The following NF1 variants were observed in gnomAD, a reference collection of about 807,000 sequenced individuals.
NF1 encodes the protein neurofibromin.
In NF1, 122 loss-of-function variants were observed where a neutral mutation model predicts 325.7. The observed-to-expected ratio is 0.37, with a 90% CI of 0.32 to 0.44. NF1 has a LOEUF of 0.44. Ranked by LOEUF, NF1 falls within the 20% of genes least tolerant of loss-of-function variation. The probability of loss-of-function intolerance (pLI) is 1.00; values close to 1 mark genes in which losing one functional copy is unlikely to be tolerated. For synonymous variants in NF1, 1,091 were observed against 1,186.0 expected, an observed-to-expected ratio of 0.92 and a Z score of 1.65; for missense variants, 2,140 against 3,415.4, an observed-to-expected ratio of 0.63 and a Z score of 9.31.
At chr17:31,131,292 G>T (rs1446525111) in intron 1 of NF1, among the ~76,000 whole-genome samples, 2 of 152,158 alleles carry the variant, frequency 1.3e-5, no homozygotes, top group Non-Finnish European at 2.9e-5. Context: ...GGTGGTTGAG[G>T]GGTCTCCTTG....
intron 1 of NF1, chr17:31,137,798 A>C (rs1172382689): frequency 2.0e-5 from 3 of 152,014 alleles, no homozygotes; most frequent in Admixed American, 6.5e-5. Context: ...TTTTTGAAAA[A>C]AAAATTGATA....
At chr17:31,096,214 G>C (rs941230485) in intron 1 of NF1, among the ~76,000 whole-genome samples, 6 of 151,482 alleles carry the variant, frequency 4.0e-5, no homozygotes, top group African/African-American at 1.2e-4. Flanking sequence ...AGGGGAGAAG[G>C]GTGAAAGGAA....
At chr17:31,166,810 G>A (rs1393371422) in intron 4 of NF1, among the ~76,000 whole-genome samples, 2 of 152,114 alleles carry the variant, frequency 1.3e-5, no homozygotes, top group Non-Finnish European at 2.9e-5. Context: ...CAGTCTCCAT[G>A]TGGATGTTAA....
rs17882819 is a variant in NF1 at position 31,180,822 on chromosome 17, G to A, written c.587-600G>A. Among the ~76,000 whole-genome samples, 344 of 152,326 alleles carry A rather than the reference G, an allele frequency of 2.3e-3. 1 individual carries two copies. Among genetic ancestry groups the A allele is most frequent in the African/African-American group, 6.9e-3 (288 of 41,588 alleles). ...AGTCAAATTGCCTCTGTTTGCAGAT[G>A]ACATGGTTGTATGTTTAGAAAACCC... On this transcript the variant is annotated intron_variant, in intron 5 of 57. Coordinates refer to ENST00000358273, the MANE Select transcript of NF1 (RefSeq NM_001042492.3).
At chr17:31,326,803 T>C (rs932474477) in intron 37 of NF1, among the ~76,000 whole-genome samples, 2 of 152,186 alleles carry the variant, frequency 1.3e-5, no homozygotes, top group Non-Finnish European at 2.9e-5. Context: ...GTCATTCAAA[T>C]TGTAGGAATG....
intron 1 of NF1, among the ~76,000 whole-genome samples, chr17:31,123,075 C>T (rs919751897): frequency 2.6e-5 from 4 of 152,124 alleles, no homozygotes; most frequent in African/African-American, 9.7e-5. Flanking sequence ...TTAAAACTAG[C>T]GCATAGAATC....
intron 36 of NF1, among the ~76,000 whole-genome samples, chr17:31,299,888 C>A (rs1424688547): frequency 6.6e-6 from 1 of 151,832 alleles, no homozygotes; most frequent in African/African-American, 2.4e-5. Context: ...CTCTTTGACT[C>A]TTTGGGAAGA....
At chr17:31,307,008 A>G (rs2068741167) in intron 36 of NF1, among the ~76,000 whole-genome samples, 2 of 152,034 alleles carry the variant, frequency 1.3e-5, no homozygotes, top group African/African-American at 4.8e-5. Context: ...AAAGAAAAAA[A>G]GCTAAAAAAT....
Position 31,221,838 on chromosome 17 carries a change from TA to T in NF1, c.1642-6del. Reference sequence around the variant, plus strand: ...GTCTTCTCTTTGTCTTTCTCTTTTTTAAAAAATTCAGGCTCTGCTGGTTCTT... The same window carrying T: ...GTCTTCTCTTTGTCTTTCTCTTTTTTAAAAATTCAGGCTCTGCTGGTTCTT... On this transcript the variant is annotated splice_polypyrimidine_tract_variant and intron_variant, in intron 14 of 57. Coordinates refer to ENST00000358273, the MANE Select transcript of NF1 (RefSeq NM_001042492.3). 6.3e-7 allele frequency: 1 copy of T among 1,591,310 alleles called. No individual in the cohort carries two copies.
intron 4 of NF1, among the ~76,000 whole-genome samples, chr17:31,167,519 A>G (rs1027105410): frequency 6.6e-6 from 1 of 152,248 alleles, no homozygotes; most frequent in African/African-American, 2.4e-5. Flanking sequence ...CATATAAATT[A>G]TAAGACCATA....
At position 31,343,918 on chromosome 17, in the gene NF1, T is replaced by C. The variant is rs986005748; in HGVS notation, c.7189+783T>C. ...CTGCAGTGGGCCATGATCGTGCCAC[T>C]GCACTCCAGCCTGGGTGACAGAGTG... On this transcript the variant is annotated intron_variant, in intron 48 of 57. Coordinates refer to ENST00000358273, the MANE Select transcript of NF1 (RefSeq NM_001042492.3). Among the ~76,000 whole-genome samples, 11 of 149,842 alleles carry C rather than the reference T, an allele frequency of 7.3e-5. No individual in the cohort carries two copies. The South Asian group carries it at 2.1e-3, about 29-fold the overall frequency.
rs556354999 is a variant in NF1 at position 31,365,714 on chromosome 17, A to G, written c.8377+5011A>G. 2.0e-3 allele frequency among the ~76,000 whole-genome samples: 312 copies of G among 152,300 alleles called. 2 individuals are homozygous for G. Among genetic ancestry groups the G allele is most frequent in the African/African-American group, 7.3e-3 (305 of 41,556 alleles). ...CCAGGGCATGATACCTGCCTTCAAT[A>G]TATTTCAGATCAGAACGGGCAGTAG... On this transcript the variant is annotated intron_variant, in intron 57 of 57. Transcript: ENST00000358273.
chr17:31,284,414 C>T lies in NF1; in HGVS notation c.4835+19075C>T, dbSNP rs113073079. ...TCTCTTGCCTCAGTCTCCCGAGTAG[C>T]TGAGATTAAACAGTCATGTGCTACC... is the stretch of plus-strand genomic sequence containing the variant. On this transcript the variant is annotated intron_variant, in intron 36 of 57. Transcript: ENST00000358273. 7.8e-3 allele frequency among the ~76,000 whole-genome samples: 1,192 copies of T among 152,196 alleles called. 21 individuals carry two copies. Among genetic ancestry groups the T allele is most frequent in the African/African-American group, 0.028 (1,143 of 41,510 alleles).
Position 31,320,689 on chromosome 17 carries a change from C to A in NF1, c.4836-5131C>A, listed in dbSNP as rs3785956. Among the ~76,000 whole-genome samples the A allele has an allele frequency of 0.45, 68,960 of 151,982 alleles. 19,187 individuals carry two copies. The highest frequency in any genetic ancestry group is 0.62 in the Non-Finnish European group (42,099 of 67,930). On this transcript the variant is annotated intron_variant, in intron 36 of 57. Transcript: ENST00000358273. ...TTTTTAGATTATGACCTTTAGTAGA[C>A]AATTAAAGGCCCAAGTCACTGGCTT...
At chr17:31,224,440 C>T (rs2066978430) in intron 16 of NF1, among the ~76,000 whole-genome samples, 1 of 152,088 alleles carries the variant, frequency 6.6e-6, no homozygotes, top group South Asian at 2.1e-4. Flanking sequence ...TAAATTGTCT[C>T]TTTAGAAATA....
chr17:31,345,038 G>A (rs970393282), intron 48 of NF1, among the ~76,000 whole-genome samples: 1 of 152,148 alleles, frequency 6.6e-6, no homozygotes, highest in Non-Finnish European at 1.5e-5. Context: ...CACAAGAATC[G>A]CTTGAACCTG....
In NF1 at chr17:31,357,033, C is replaced by G. The variant is rs1555536702; in HGVS notation, c.7812C>G (p.Leu2604=). ...RKVSVSESNV[L]LDEEVLTDPK... The stretch of plus-strand genomic sequence containing the variant: ...TTTCAGTGTCTGAATCAAATGTTCT[C>G]TTGGATGAAGAAGTACTTACTGATC... The change falls in exon 53 of 58, where the codon CTC becomes CTG. Residue 2604 remains leucine (L), a synonymous_variant. Transcript: ENST00000358273. 2 of 1,613,972 alleles carry G rather than the reference C, an allele frequency of 1.2e-6. No homozygotes were observed. The highest frequency in any genetic ancestry group is 1.7e-6 in the Non-Finnish European group (2 of 1,179,928).
At chr17:31,232,274 G>T in intron 25 of NF1, 85 bp downstream of exon 25, 2 of 827,818 alleles carry the variant, frequency 2.4e-6, no homozygotes, top group Non-Finnish European at 4.3e-6. Context: ...TAATACCCAT[G>T]ACAGGACTAG....
chr17:31,361,909 A>G (rs2070409741), intron 57 of NF1, among the ~76,000 whole-genome samples: 1 of 152,228 alleles, frequency 6.6e-6, no homozygotes, highest in Admixed American at 6.5e-5. Flanking sequence ...TTATTTCCAC[A>G]TTTGTCAGTC....
Sources: allele counts gnomAD v4.1 joint callset (sites outside exome capture counted in the v4.1 genomes callset), GRCh38; gene constraint gnomAD v4.1.1; transcripts MANE v1.5; gene names NCBI Gene and HGNC (gene_info 2026-07-23, HGNC 2026-07-21).